MREG: variants seen among roughly 807,000 people sequenced by gnomAD.
MREG encodes the protein dilute suppressor protein homolog.
MREG carries 31 observed loss-of-function variants against 28.5 expected under a neutral mutation model. The observed-to-expected ratio is 1.09, with a 90% CI of 0.82 to 1.47. MREG has a LOEUF of 1.47. MREG is among the 40% of genes most tolerant of loss of function. The pLI, the probability that MREG is intolerant of heterozygous loss-of-function variation, is 0.00. For missense variants in MREG, 256 were observed against 257.4 expected, an observed-to-expected ratio of 0.99 and a Z score of 0.04; for synonymous variants, 106 against 95.2, an observed-to-expected ratio of 1.11 and a Z score of -0.66.
At chr2:215,981,441 C>T (rs183790145) in intron 2 of MREG, among the ~76,000 whole-genome samples, 11 of 151,788 alleles carry the variant, frequency 7.2e-5, no homozygotes, top group Non-Finnish European at 7.4e-5. Flanking sequence ...ACTTACAGTA[C>T]GTACCTAAAG....
intron 2 of MREG, among the ~76,000 whole-genome samples, chr2:215,994,625 G>A (rs1028482439): frequency 5.0e-5 from 7 of 141,098 alleles, no homozygotes; most frequent in Non-Finnish European, 6.3e-5. Context: ...AAGAAGAGAA[G>A]AAGGAGGGGG....
At chr2:216,007,682 G>A (rs1267972783) in intron 1 of MREG, among the ~76,000 whole-genome samples, 1 of 151,396 alleles carries the variant, frequency 6.6e-6, no homozygotes, top group Non-Finnish European at 1.5e-5. Context: ...CACCTGTCTT[G>A]GTCTTCCGAA....
intron 1 of MREG, among the ~76,000 whole-genome samples, chr2:216,032,046 C>T (rs549534282): frequency 6.6e-5 from 10 of 152,328 alleles, no homozygotes; most frequent in African/African-American, 2.2e-4. Context: ...ACAAAATAGC[C>T]TTTGATAGAC....
At chr2:216,024,639 C>T (rs1198011205) in intron 1 of MREG, among the ~76,000 whole-genome samples, 1 of 151,626 alleles carries the variant, frequency 6.6e-6, no homozygotes, top group Non-Finnish European at 1.5e-5. Flanking sequence ...TTTGGGAGGC[C>T]GAGGCGGGTG....
chr2:216,027,148 T>C (rs1179677129), intron 1 of MREG, among the ~76,000 whole-genome samples: 1 of 152,234 alleles, frequency 6.6e-6, no homozygotes, highest in Non-Finnish European at 1.5e-5. Flanking sequence ...AGATACTTGA[T>C]GAAATCAATC....
intron 2 of MREG, among the ~76,000 whole-genome samples, chr2:215,963,641 A>C (rs376359676): frequency 5.9e-5 from 9 of 152,318 alleles, no homozygotes; most frequent in Admixed American, 1.3e-4. Flanking sequence ...TGATCCACAC[A>C]ACATTATACT....
chr2:215,961,879 C>T (rs924061923), intron 2 of MREG, among the ~76,000 whole-genome samples: 1 of 152,134 alleles, frequency 6.6e-6, no homozygotes, highest in Non-Finnish European at 1.5e-5. Context: ...TGCTCTGATA[C>T]TTAAAAGATT....
Position 215,947,110 on chromosome 2 carries a change from A to G in MREG, c.259T>C (p.Trp87Arg). ...RNQQAKDSEE[W>R]QKLNYDIHTL... ...TGGATATCATAGTTGAGCTTCTGCC[A>G]CTCCTGCAGGAAAATAAAAGTTTAG... Residue 87 changes from tryptophan (W) to arginine (R), a missense_variant, in exon 3 of 5, where the codon TGG (tryptophan) becomes CGG (arginine). Coordinates refer to ENST00000263268, the MANE Select transcript of MREG (RefSeq NM_018000.3). 1 of 1,609,488 alleles carries G rather than the reference A, an allele frequency of 6.2e-7. No homozygotes were observed. Among genetic ancestry groups the G allele is most frequent in the Non-Finnish European group, 8.5e-7 (1 of 1,176,706 alleles).
intron 2 of MREG, among the ~76,000 whole-genome samples, chr2:215,976,022 C>T (rs1574618151): frequency 6.6e-6 from 1 of 151,854 alleles, no homozygotes; most frequent in South Asian, 2.1e-4. Flanking sequence ...GCAGGAGAGT[C>T]GCTTGAACCC....
intron 2 of MREG, among the ~76,000 whole-genome samples, 153 bp downstream of exon 2, chr2:215,996,153 C>G (rs1362391151): frequency 6.6e-6 from 1 of 152,228 alleles, no homozygotes. Context: ...TAATTAGCAA[C>G]CAGTGATAAT....
At chr2:215,988,027 T>C (rs1191435747) in intron 2 of MREG, among the ~76,000 whole-genome samples, 1 of 152,242 alleles carries the variant, frequency 6.6e-6, no homozygotes, top group African/African-American at 2.4e-5. Context: ...TTTGACTGCC[T>C]GTCTTGGTAA....
At chr2:215,949,074 A>G (rs1307004140) in intron 2 of MREG, among the ~76,000 whole-genome samples, 1 of 132,288 alleles carries the variant, frequency 7.6e-6, no homozygotes. Context: ...TACTACTACT[A>G]CTACTACTAC....
upstream of MREG, chr2:216,033,709 T>G (rs1694747136): frequency 6.6e-6 from 1 of 152,440 alleles, no homozygotes; most frequent in South Asian, 2.1e-4. Flanking sequence ...AGGAGACCTC[T>G]GTAAGGCAAT....
intron 2 of MREG, among the ~76,000 whole-genome samples, chr2:215,993,031 C>A (rs1005455364): frequency 7.2e-5 from 11 of 152,170 alleles, no homozygotes; most frequent in Non-Finnish European, 1.5e-4. Context: ...ATCAAGCTAC[C>A]ACTGACTTTC....
chr2:215,942,678 TATTC>T lies in MREG; in HGVS notation c.*2181_*2184del, dbSNP rs2105961690. On this transcript the variant is annotated 3_prime_UTR_variant, in exon 5 of 5. Transcript: ENST00000263268. ...ATAATCACAGAGATAGTCCTATCCT[TATTC>T]ATTATCAAAAATACTGTGGTAACAA... 1 of 152,804 alleles carries T rather than the reference TATTC, an allele frequency of 6.5e-6. No individual in the cohort carries two copies. The highest frequency in any genetic ancestry group is 2.1e-4 in the South Asian group (1 of 4,834). 9.5% of individuals were successfully genotyped at this position (152,804 alleles called of 1,614,324 possible). A position where few individuals can be genotyped will look rare whatever the true frequency, so the allele number is the denominator to read the frequency against.
chr2:215,996,265 T>G, intron 2 of MREG, 41 bp downstream of exon 2: 1 of 1,587,626 alleles, frequency 6.3e-7, no homozygotes, highest in Non-Finnish European at 8.6e-7. Context: ...TTTTACTATA[T>G]AGCATCATCC....
chr2:215,988,065 C>A (rs1345566783), intron 2 of MREG, among the ~76,000 whole-genome samples: 1 of 152,042 alleles, frequency 6.6e-6, no homozygotes, highest in African/African-American at 2.4e-5. Flanking sequence ...TACAGTCGAG[C>A]CTGATTTTAT....
At chr2:216,018,831 A>C (rs186799208) in intron 1 of MREG, among the ~76,000 whole-genome samples, 2 of 152,356 alleles carry the variant, frequency 1.3e-5, no homozygotes, top group South Asian at 4.1e-4. Context: ...CATGCCCCCA[A>C]TTCAATAGGC....
intron 2 of MREG, among the ~76,000 whole-genome samples, chr2:215,968,658 C>T (rs936557746): frequency 6.6e-6 from 1 of 152,212 alleles, no homozygotes; most frequent in Non-Finnish European, 1.5e-5. Context: ...ACAATCAAAA[C>T]TTACTAGTCC....
Sources: gnomAD v4.1 joint callset for allele counts (sites outside exome capture counted in the v4.1 genomes callset) on GRCh38, gnomAD v4.1.1 for gene constraint, MANE v1.5 for transcripts, NCBI Gene and HGNC (gene_info 2026-07-23, HGNC 2026-07-21) for gene names.